Variants in KCNQ1 observed in about 807,000 individuals in gnomAD.
KCNQ1 encodes the protein potassium voltage-gated channel subfamily Q member 1.
KCNQ1 carries 49 observed loss-of-function variants against 72.4 expected under a neutral mutation model. The observed-to-expected ratio is 0.68, with a 90% CI of 0.54 to 0.86. The LOEUF is 0.86. KCNQ1 is among the 40% of genes least tolerant of loss of function. KCNQ1 has a pLI of 0.00. For synonymous variants in KCNQ1, 450 were observed against 412.6 expected (o/e 1.09, Z -1.10); for missense variants, 790 against 945.1 (o/e 0.84, Z 2.15).
Position 2,682,328 on chromosome 11 carries a change from G to A in KCNQ1, c.1514+20247G>A, listed in dbSNP as rs186403060. 2.4e-4 allele frequency: 96 copies of A among 398,610 alleles called. No individual in the cohort carries two copies. Among genetic ancestry groups the A allele is most frequent in the African/African-American group, 1.9e-3 (92 of 48,742 alleles). The allele number at this position is 398,610 out of a possible 1,614,324, so 24.7% of individuals were successfully genotyped here. A position where few individuals can be genotyped will look rare whatever the true frequency, so the allele number is the denominator to read the frequency against. ...TCCCATTCTTAATGTGTAACTGTGTGTTTATTTGTGGTAAAGGGTTTACTG... is the reference window on the plus strand; with the variant it reads ...TCCCATTCTTAATGTGTAACTGTGTATTTATTTGTGGTAAAGGGTTTACTG... On this transcript the variant is annotated intron_variant, in intron 11 of 15. Transcript: ENST00000155840. The surrounding 1 kb of genome is among the most constrained non-coding windows in gnomAD (Gnocchi z 5.8).
Position 2,473,002 on chromosome 11 carries a change from A to G in KCNQ1, c.386+27518A>G, listed in dbSNP as rs1032155048. Reference sequence around the variant, plus strand: ...GTGGGCGTGGCTGGGAGAAGCCTGCATATGAAGGCCTCTGTCATTGGAGGA... The same window carrying G: ...GTGGGCGTGGCTGGGAGAAGCCTGCGTATGAAGGCCTCTGTCATTGGAGGA... On this transcript the variant is annotated intron_variant, in intron 1 of 15. Coordinates refer to ENST00000155840, the MANE Select transcript of KCNQ1 (RefSeq NM_000218.3). The surrounding 1 kb of genome is among the most constrained non-coding windows in gnomAD (Gnocchi z 6.0). 5.3e-5 allele frequency among the ~76,000 whole-genome samples: 8 copies of G among 151,924 alleles called. No individual in the cohort carries two copies. Among genetic ancestry groups the G allele is most frequent in the African/African-American group, 1.9e-4 (8 of 41,370 alleles).
intron 6 of KCNQ1, 69 bp downstream of exon 6, chr11:2,573,055 C>A: frequency 6.4e-7 from 1 of 1,559,410 alleles, no homozygotes; most frequent in Non-Finnish European, 8.7e-7. Context: ...GACATCTGGG[C>A]ACTGGTGTCT....
At chr11:2,740,052 G>A (rs933187820) in intron 11 of KCNQ1, among the ~76,000 whole-genome samples, 1 of 152,242 alleles carries the variant, frequency 6.6e-6, no homozygotes, top group Non-Finnish European at 1.5e-5. Flanking sequence ...CACCCTGAGC[G>A]TGCTGCTGCC....
Position 2,557,773 on chromosome 11 carries a change from T to A in KCNQ1, c.478-12855T>A, listed in dbSNP as rs559841563. ...GAGCCACCTGGCTGTATTCTCCTGATGCAGGTGTCACAGAGCCCAGGTTCA... is the reference window on the plus strand; with the variant it reads ...GAGCCACCTGGCTGTATTCTCCTGAAGCAGGTGTCACAGAGCCCAGGTTCA... On this transcript the variant is annotated intron_variant, in intron 2 of 15. Transcript: ENST00000155840. 1.1e-4 allele frequency among the ~76,000 whole-genome samples: 16 copies of A among 152,352 alleles called. No homozygotes were observed. In the South Asian group the frequency reaches 3.1e-3, roughly 30 times the overall value.
In KCNQ1 at chr11:2,772,324, C is replaced by T. The variant is rs1043205991; in HGVS notation, c.1590+3405C>T. ...GGCTGATAAGTCCTTGGCCAACCAC[C>T]CCTGTGTCTGGCCCAAGGAGCCGGA... is the stretch of plus-strand genomic sequence containing the variant. On this transcript the variant is annotated intron_variant, in intron 12 of 15. Transcript: ENST00000155840. The surrounding 1 kb of genome is among the most constrained non-coding windows in gnomAD (Gnocchi z 6.6). 3.3e-5 allele frequency among the ~76,000 whole-genome samples: 5 copies of T among 152,154 alleles called. No individual in the cohort carries two copies. Among genetic ancestry groups the T allele is most frequent in the African/African-American group, 1.2e-4 (5 of 41,440 alleles).
rs1848719687 is a variant in KCNQ1, at chr11:2,595,351, T to C, written c.1393+6497T>C. Among the ~76,000 whole-genome samples, 1 of 152,094 alleles carries C rather than the reference T, an allele frequency of 6.6e-6. No homozygotes were observed. Among genetic ancestry groups the C allele is most frequent in the South Asian group, 2.1e-4 (1 of 4,822 alleles). On this transcript the variant is annotated intron_variant, in intron 10 of 15. Coordinates refer to ENST00000155840, the MANE Select transcript of KCNQ1 (RefSeq NM_000218.3). This position sits in a 1 kb window ranked among gnomAD's most constrained non-coding sequence, Gnocchi z 5.0. ...TATTCTTGCAGCAAATAACCAGAAA[T>C]TGAGATTTTTAAAATACAGGCGTGT... is the stretch of plus-strand genomic sequence containing the variant.
At position 2,677,616 on chromosome 11, in the gene KCNQ1, A is replaced by G. The variant is rs567122949; in HGVS notation, c.1514+15535A>G. The stretch of plus-strand genomic sequence containing the variant: ...ATCCCCTCTGGATTTGTTTTTTTCT[A>G]AAACGTGTACATAATTGTAACTCTA... On this transcript the variant is annotated intron_variant, in intron 11 of 15. Coordinates refer to ENST00000155840, the MANE Select transcript of KCNQ1 (RefSeq NM_000218.3). The surrounding 1 kb of genome is among the most constrained non-coding windows in gnomAD (Gnocchi z 4.5). The G allele has an allele frequency of 1.5e-5, 6 of 398,632 alleles. No individual in the cohort carries two copies. Among genetic ancestry groups the G allele is most frequent in the East Asian group, 1.1e-4 (3 of 28,074 alleles). The allele number at this position is 398,632 out of a possible 1,614,324, so 24.7% of individuals were successfully genotyped here. A position where few individuals can be genotyped will look rare whatever the true frequency, so the allele number is the denominator to read the frequency against.
chr11:2,799,373 C>CCA (rs1348147559), intron 15 of KCNQ1, among the ~76,000 whole-genome samples: 2 of 124,730 alleles, frequency 1.6e-5, no homozygotes, highest in Non-Finnish European at 1.6e-5. Flanking sequence ...GCTGTAAGTT[C>CCA]GAGTGTGTGT....
intron 2 of KCNQ1, among the ~76,000 whole-genome samples, chr11:2,554,879 AG>A (rs1405002854): frequency 7.9e-5 from 12 of 152,184 alleles, no homozygotes; most frequent in African/African-American, 2.9e-4. Context: ...CATTCCTGAA[AG>A]GGGGGGAAAA....
chr11:2,663,126 G>T lies in KCNQ1; in HGVS notation c.1514+1045G>T. 1 of 398,694 alleles carries T rather than the reference G, an allele frequency of 2.5e-6. No individual in the cohort carries two copies. Among genetic ancestry groups the T allele is most frequent in the South Asian group, 1.3e-4 (1 of 7,840 alleles). 24.7% of individuals were successfully genotyped at this position (398,694 alleles called of 1,614,324 possible). A position where few individuals can be genotyped will look rare whatever the true frequency, so the allele number is the denominator to read the frequency against. Reference sequence around the variant, plus strand: ...AGTGGCTATCTTAAGGGGTAATTATGATCAGACAGGACCTGCCCACTGTCT... The same window carrying T: ...AGTGGCTATCTTAAGGGGTAATTATTATCAGACAGGACCTGCCCACTGTCT... On this transcript the variant is annotated intron_variant, in intron 11 of 15. Transcript: ENST00000155840. This position sits in a 1 kb window ranked among gnomAD's most constrained non-coding sequence, Gnocchi z 5.2.
At chr11:2,733,578 T>A (rs1430632926) in intron 11 of KCNQ1, among the ~76,000 whole-genome samples, 1 of 151,960 alleles carries the variant, frequency 6.6e-6, no homozygotes, top group Non-Finnish European at 1.5e-5. Flanking sequence ...CCGAGGTTGC[T>A]GCTGGCAGCT....
At chr11:2,672,596 C>T (rs1850206360) in intron 11 of KCNQ1, 1 of 398,710 alleles carries the variant, frequency 2.5e-6, no homozygotes, top group South Asian at 1.3e-4. Context: ...ATTGGGAAAG[C>T]ATCCCTGTAG....
chr11:2,446,183 A>G lies in KCNQ1; in HGVS notation c.386+699A>G, dbSNP rs991153048. 2.0e-5 allele frequency among the ~76,000 whole-genome samples: 3 copies of G among 152,144 alleles called. No homozygotes were observed. Among genetic ancestry groups the G allele is most frequent in the East Asian group, 1.9e-4 (1 of 5,176 alleles). ...GCCCCCCTGTTACCAGGTGGTTCCA[A>G]TTCCCGGTACAGCGTGCCTGAGCAG... is the stretch of plus-strand genomic sequence containing the variant. On this transcript the variant is annotated intron_variant, in intron 1 of 15. Coordinates refer to ENST00000155840, the MANE Select transcript of KCNQ1 (RefSeq NM_000218.3). This position sits in a 1 kb window ranked among gnomAD's most constrained non-coding sequence, Gnocchi z 8.8.
intron 10 of KCNQ1, chr11:2,655,250 C>G: frequency 2.5e-6 from 1 of 398,648 alleles, no homozygotes; most frequent in Non-Finnish European, 4.4e-6. Flanking sequence ...CCATCCCAGA[C>G]CTCCCACTTT....
intron 15 of KCNQ1, among the ~76,000 whole-genome samples, chr11:2,822,918 T>G (rs1847767408): frequency 6.8e-6 from 1 of 147,554 alleles, no homozygotes; most frequent in Non-Finnish European, 1.5e-5. Context: ...TCAATTATGC[T>G]GCTGAATTAA....
chr11:2,635,136 A>T (rs555612074), intron 10 of KCNQ1: 1 of 152,104 alleles, frequency 6.6e-6, no homozygotes, highest in Non-Finnish European at 1.5e-5. Context: ...TAGGTTGCCT[A>T]TTCACTCTGA....
In KCNQ1 at chr11:2,720,149, G is replaced by C. The variant is rs1283229860; in HGVS notation, c.1515-48695G>C. Among the ~76,000 whole-genome samples, 1 of 152,248 alleles carries C rather than the reference G, an allele frequency of 6.6e-6. No individual in the cohort carries two copies. The highest frequency in any genetic ancestry group is 2.4e-5 in the African/African-American group (1 of 41,466). On this transcript the variant is annotated intron_variant, in intron 11 of 15. Coordinates refer to ENST00000155840, the MANE Select transcript of KCNQ1 (RefSeq NM_000218.3). This position sits in a 1 kb window ranked among gnomAD's most constrained non-coding sequence, Gnocchi z 5.1. ...CAAACCCACTGGAGGGTTGCAAGGA[G>C]ACGCTTCTAGTATGTTAGACAGCAC...
chr11:2,624,851 T>A lies in KCNQ1; in HGVS notation c.1393+35997T>A, dbSNP rs73415381. 7.5e-6 allele frequency: 3 copies of A among 398,424 alleles called. No homozygotes were observed. The highest frequency in any genetic ancestry group is 1.3e-5 in the Non-Finnish European group (3 of 226,060). The allele number at this position is 398,424 out of a possible 1,614,324, so 24.7% of individuals were successfully genotyped here. ...GAAACATACAGTACTTCTCTTCTTG[T>A]GACTGCTGTATTTCATTTAACATAA... On this transcript the variant is annotated intron_variant, in intron 10 of 15. Coordinates refer to ENST00000155840, the MANE Select transcript of KCNQ1 (RefSeq NM_000218.3). The surrounding 1 kb of genome is among the most constrained non-coding windows in gnomAD (Gnocchi z 4.9).
At chr11:2,740,861 G>A (rs1217952264) in intron 11 of KCNQ1, among the ~76,000 whole-genome samples, 6 of 152,126 alleles carry the variant, frequency 3.9e-5, no homozygotes, top group East Asian at 1.9e-4. Context: ...CCTCTTTCCC[G>A]TATCAGGACC....
Sources: allele counts gnomAD v4.1 joint callset (sites outside exome capture counted in the v4.1 genomes callset), GRCh38; gene constraint gnomAD v4.1.1; non-coding constraint Gnocchi (gnomAD v3.1); transcripts MANE v1.5; gene names NCBI Gene and HGNC (gene_info 2026-07-23, HGNC 2026-07-21).